The following RIF1 variants were observed in gnomAD, a reference collection of about 807,000 sequenced individuals.
RIF1 encodes the protein replication timing regulatory factor 1.
Under a neutral mutation model 247.1 loss-of-function variants are expected in RIF1, and 45 were observed. The observed-to-expected ratio is 0.18, with a 90% CI of 0.14 to 0.23. The LOEUF is 0.23. RIF1 is among the 10% of genes least tolerant of loss of function. The pLI is 1.00. For missense variants in RIF1, 2,967 were observed against 2,862.5 expected (o/e 1.04, Z -0.83); for synonymous variants, 1,087 against 978.8 (o/e 1.11, Z -2.06).
chr2:151,490,168 C>T (rs1234145553), intron 9 of RIF1: 1 of 1,215,216 alleles, frequency 8.2e-7, no homozygotes, highest in African/African-American at 1.5e-5. Flanking sequence ...TCTTTTTCCC[C>T]CAACTTAGAA....
chr2:151,449,120 T>C (rs1342216218), intron 20 of RIF1, among the ~76,000 whole-genome samples: 1 of 152,236 alleles, frequency 6.6e-6, no homozygotes, highest in Non-Finnish European at 1.5e-5. Context: ...TTTTTTAACA[T>C]TATAAATGGG....
intron 20 of RIF1, among the ~76,000 whole-genome samples, chr2:151,448,623 G>A (rs1693732545): frequency 6.6e-6 from 1 of 152,100 alleles, no homozygotes; most frequent in Non-Finnish European, 1.5e-5. Flanking sequence ...TACCCATGAG[G>A]TTTCTGCTTC....
At chr2:151,442,719 G>C (rs1237147050) in intron 16 of RIF1, among the ~76,000 whole-genome samples, 1 of 147,646 alleles carries the variant, frequency 6.8e-6, no homozygotes, top group East Asian at 2.0e-4. Flanking sequence ...ATAATTCCTT[G>C]ATTTTCTGTG....
At chr2:151,489,870 AG>A (rs2054725040) in intron 9 of RIF1, 1 of 773,204 alleles carries the variant, frequency 1.3e-6, no homozygotes, top group Non-Finnish European at 2.2e-6. Flanking sequence ...ATAAAATAGA[AG>A]GTTTGGTTAA....
chr2:151,410,396 T>A lies in RIF1; in HGVS notation c.-10-18T>A. The A allele has an allele frequency of 1.9e-6, 3 of 1,601,686 alleles. No homozygotes were observed. Among genetic ancestry groups the A allele is most frequent in the Non-Finnish European group, 2.6e-6 (3 of 1,171,788 alleles). On this transcript the variant is annotated intron_variant, in intron 1 of 35. Coordinates refer to ENST00000444746, the MANE Select transcript of RIF1 (RefSeq NM_018151.5). ...CCATCGGTCACTGGATTTTCTCCTCTTCCGGTTCGGGCCTCAGGGTGGCCG... is the reference window on the plus strand; with the variant it reads ...CCATCGGTCACTGGATTTTCTCCTCATCCGGTTCGGGCCTCAGGGTGGCCG...
At chr2:151,508,051 G>A (rs780379101), downstream of RIF1, 7 of 1,611,192 alleles carry the variant, frequency 4.3e-6, no homozygotes, top group Non-Finnish European at 5.9e-6. Context: ...TATCTCTGGG[G>A]TGTCCAAAAC....
At chr2:151,459,265 A>G (rs1695736428) in intron 25 of RIF1, among the ~76,000 whole-genome samples, 1 of 152,198 alleles carries the variant, frequency 6.6e-6, no homozygotes, top group Admixed American at 6.5e-5. Flanking sequence ...GATTTTCTCA[A>G]TTCTTCTATC....
At chr2:151,457,671 T>C (rs1695439416) in intron 23 of RIF1, 90 bp from the exon 24 acceptor site, 9 of 917,898 alleles carry the variant, frequency 9.8e-6, no homozygotes, top group Admixed American at 9.4e-5. Flanking sequence ...AGTTTAAAAT[T>C]GTCTTAATTT....
At position 151,492,115 on chromosome 2, in the gene RIF1, T is replaced by C. The variant is rs543506644; in HGVS notation, c.*416-3114T>C. The C allele has an allele frequency of 1.2e-6, 2 of 1,613,946 alleles. No homozygotes were observed. The highest frequency in any genetic ancestry group is 2.2e-5 in the South Asian group (2 of 91,072). On this transcript the variant is annotated intron_variant and NMD_transcript_variant, in intron 9 of 13. Transcript: ENST00000454583. Reference sequence around the variant, plus strand: ...TCAGTTACCTGTAATAGTCTCCTGATCTTGGTCATTCCGTTTTTGTTCCAT... The same window carrying C: ...TCAGTTACCTGTAATAGTCTCCTGACCTTGGTCATTCCGTTTTTGTTCCAT...
rs1687291208 is a variant in RIF1, at chr2:151,416,798, G to GT, written c.409-3dup. ...TATTTCATTTGTATTTATTTGGTTC[G>GT]TTTTTTAGGTATCCAGTATAATTGA... On this transcript the variant is annotated splice_polypyrimidine_tract_variant and intron_variant, in intron 5 of 35. Coordinates refer to ENST00000444746, the MANE Select transcript of RIF1 (RefSeq NM_018151.5). 2.5e-6 allele frequency: 4 copies of GT among 1,605,210 alleles called. No individual in the cohort carries two copies. The East Asian group carries it at 8.9e-5, about 36-fold the overall frequency.
chr2:151,497,499 A>C, intron 10 of RIF1: 5 of 1,487,838 alleles, frequency 3.4e-6, no homozygotes, highest in Non-Finnish European at 4.4e-6. Flanking sequence ...AAAAAGGATA[A>C]ATTTGCTAAA....
At chr2:151,424,840 T>C (rs1688741438) in intron 8 of RIF1, among the ~76,000 whole-genome samples, 2 of 141,414 alleles carry the variant, frequency 1.4e-5, no homozygotes, top group South Asian at 2.5e-4. Context: ...TTTTTTTTTT[T>C]TTTTTTTTTT....
At chr2:151,448,354 G>A (rs1693683413) in intron 20 of RIF1, among the ~76,000 whole-genome samples, 1 of 152,060 alleles carries the variant, frequency 6.6e-6, no homozygotes, top group African/African-American at 2.4e-5. Context: ...AAAAATGACA[G>A]TTCTTATTGT....
chr2:151,518,252 AT>A, the RIF1 span: 33 of 1,175,408 alleles, frequency 2.8e-5, no homozygotes, highest in East Asian at 7.0e-5. Context: ...AATCTATGAA[AT>A]TTTTTTTCAC....
chr2:151,447,119 A>G (rs1379482760), intron 20 of RIF1, among the ~76,000 whole-genome samples: 2 of 149,720 alleles, frequency 1.3e-5, no homozygotes, highest in Non-Finnish European at 3.0e-5. Flanking sequence ...AATTTTTTGT[A>G]TTTTTAGTAG....
chr2:151,484,460 G>A (rs1228443203), downstream of RIF1, among the ~76,000 whole-genome samples: 1 of 152,196 alleles, frequency 6.6e-6, no homozygotes, highest in East Asian at 1.9e-4. Flanking sequence ...GCCCAGAGTG[G>A]TGGCGCACGC....
At chr2:151,517,467 G>A in the RIF1 span, among the ~76,000 whole-genome samples, 1 of 152,214 alleles carries the variant, frequency 6.6e-6, no homozygotes, top group Non-Finnish European at 1.5e-5. Context: ...TGTGATATAG[G>A]AGGTCATGTG....
chr2:151,429,947 A>C (rs1192893973), intron 9 of RIF1, among the ~76,000 whole-genome samples: 2 of 152,278 alleles, frequency 1.3e-5, no homozygotes, highest in Admixed American at 1.3e-4. Flanking sequence ...TTTTCCTGCC[A>C]AAGACCATTA....
At position 151,437,392 on chromosome 2, in the gene RIF1, A is replaced by G. The variant is rs988674620; in HGVS notation, c.1483+41A>G. On this transcript the variant is annotated intron_variant, in intron 13 of 35. Transcript: ENST00000444746. ...TTATTATTTGCTCAAATGTGTGTTT[A>G]AAAAGAAGAAAAAATAGGCCAGTCA... 2.7e-6 allele frequency: 4 copies of G among 1,488,336 alleles called. No homozygotes were observed. In the South Asian group the frequency reaches 4.5e-5, roughly 17 times the overall value. The allele number at this position is 1,488,336 out of a possible 1,614,324, so 92.2% of individuals were successfully genotyped here.
Sources: allele counts gnomAD v4.1 joint callset (sites outside exome capture counted in the v4.1 genomes callset), GRCh38; gene constraint gnomAD v4.1.1; transcripts MANE v1.5; gene names NCBI Gene and HGNC (gene_info 2026-07-23, HGNC 2026-07-21).